RFTN1: variants seen among roughly 807,000 people sequenced by gnomAD.
The protein encoded by RFTN1 is raftlin, lipid raft linker 1.
Under a neutral mutation model 46.5 loss-of-function variants are expected in RFTN1, and 26 were observed. That is an observed-to-expected ratio of 0.56 (90% CI 0.41 to 0.78). The LOEUF is 0.78. Among genes scored for constraint, RFTN1 ranks in the 30% least tolerant of loss-of-function variants. RFTN1 has a pLI of 0.00. For missense variants in RFTN1, 693 were observed against 718.7 expected (o/e 0.96, Z 0.41); for synonymous variants, 261 against 284.2 (o/e 0.92, Z 0.82).
At chr3:16,437,236 C>T (rs2075533330) in intron 2 of RFTN1, among the ~76,000 whole-genome samples, 1 of 152,168 alleles carries the variant, frequency 6.6e-6, no homozygotes, top group Non-Finnish European at 1.5e-5. Context: ...GTTGGGGAAA[C>T]AGGCATGGCC....
chr3:16,345,815 T>C lies in RFTN1; in HGVS notation c.1146+12117A>G, dbSNP rs1488827493. On this transcript the variant is annotated intron_variant, in intron 7 of 9. Coordinates refer to ENST00000334133, the MANE Select transcript of RFTN1 (RefSeq NM_015150.2). This position sits in a 1 kb window ranked among gnomAD's most constrained non-coding sequence, Gnocchi z 5.2. ...GTGTGTGTGTGTGTGTGTGTGTGTG[T>C]GTGCGCGCGCGCGTGCGCGCACGCG... Among the ~76,000 whole-genome samples, 9 of 82,394 alleles carry C rather than the reference T, an allele frequency of 1.1e-4. No homozygotes were observed. Among genetic ancestry groups the C allele is most frequent in the South Asian group, 3.8e-4 (1 of 2,634 alleles). The allele number at this position is 82,394 out of a possible 152,430, so 54.1% of individuals were successfully genotyped here. A position where few individuals can be genotyped will look rare whatever the true frequency, so the allele number is the denominator to read the frequency against.
chr3:16,465,908 G>C lies in RFTN1; in HGVS notation c.145+27817C>G, dbSNP rs2076082701. 6.6e-6 allele frequency among the ~76,000 whole-genome samples: 1 copy of C among 152,168 alleles called. No homozygotes were observed. The highest frequency in any genetic ancestry group is 6.6e-5 in the Admixed American group (1 of 15,266). ...AAAAGAAACACAAACTCCTCTAAAA[G>C]TTGAGAAACAAAAAGCTCTCGGGCC... On this transcript the variant is annotated intron_variant, in intron 2 of 9. Coordinates refer to ENST00000334133, the MANE Select transcript of RFTN1 (RefSeq NM_015150.2). The surrounding 1 kb of genome is among the most constrained non-coding windows in gnomAD (Gnocchi z 5.1).
Position 16,489,483 on chromosome 3 carries a change from A to G in RFTN1, c.145+4242T>C, listed in dbSNP as rs776716142. Among the ~76,000 whole-genome samples, 1 of 152,216 alleles carries G rather than the reference A, an allele frequency of 6.6e-6. No individual in the cohort carries two copies. Among genetic ancestry groups the G allele is most frequent in the South Asian group, 2.1e-4 (1 of 4,830 alleles). ...GGGGTTGGAGGGATAACAAAGGGGC[A>G]TGAGGAAACTTCTGGGGCAATGGAA... On this transcript the variant is annotated intron_variant, in intron 2 of 9. Transcript: ENST00000334133. This position sits in a 1 kb window ranked among gnomAD's most constrained non-coding sequence, Gnocchi z 4.0.
In RFTN1 at chr3:16,341,446, T is replaced by C. The variant is rs947302056; in HGVS notation, c.1147-14570A>G. Among the ~76,000 whole-genome samples the C allele has an allele frequency of 6.6e-6, 1 of 152,168 alleles. No individual in the cohort carries two copies. Among genetic ancestry groups the C allele is most frequent in the Non-Finnish European group, 1.5e-5 (1 of 68,036 alleles). On this transcript the variant is annotated intron_variant, in intron 7 of 9. Transcript: ENST00000334133. The surrounding 1 kb of genome is among the most constrained non-coding windows in gnomAD (Gnocchi z 4.7). ...TGACAGAGAAACTGCAGTGGAACCATACAATGAAATATTATCCAGCACTAA... is the reference window on the plus strand; with the variant it reads ...TGACAGAGAAACTGCAGTGGAACCACACAATGAAATATTATCCAGCACTAA...
intron 4 of RFTN1, among the ~76,000 whole-genome samples, chr3:16,408,563 TATC>T (rs2074915382): frequency 6.9e-6 from 1 of 145,770 alleles, no homozygotes; most frequent in Admixed American, 7.0e-5. Flanking sequence ...CTGTAGTAAA[TATC>T]ATATTAAAAC....
chr3:16,500,629 G>A lies in RFTN1; in HGVS notation c.-8-6752C>T, dbSNP rs2076695462. Among the ~76,000 whole-genome samples the A allele has an allele frequency of 6.6e-6, 1 of 152,176 alleles. No individual in the cohort carries two copies. Among genetic ancestry groups the A allele is most frequent in the South Asian group, 2.1e-4 (1 of 4,824 alleles). ...AGATGACAGACATTGCAAATGATCT[G>A]GAAACAAAGATCCCTTGAATGGTGA... is the stretch of plus-strand genomic sequence containing the variant. On this transcript the variant is annotated intron_variant, in intron 1 of 9. Coordinates refer to ENST00000334133, the MANE Select transcript of RFTN1 (RefSeq NM_015150.2). The surrounding 1 kb of genome is among the most constrained non-coding windows in gnomAD (Gnocchi z 5.9).
rs80110254 is a variant in RFTN1 at position 16,358,343 on chromosome 3, C to T, written c.1031-296G>A. ...GTTTACCTTCCTTTTCATGCTCCAG[C>T]GTCAGGATGCACTGGGGAGAACTTA... On this transcript the variant is annotated intron_variant, in intron 6 of 9. Coordinates refer to ENST00000334133, the MANE Select transcript of RFTN1 (RefSeq NM_015150.2). 1.8e-4 allele frequency among the ~76,000 whole-genome samples: 27 copies of T among 152,226 alleles called. No homozygotes were observed. In the East Asian group the frequency reaches 4.4e-3, roughly 25 times the overall value.
At chr3:16,496,246 T>A (rs2076624767) in intron 1 of RFTN1, among the ~76,000 whole-genome samples, 1 of 152,222 alleles carries the variant, frequency 6.6e-6, no homozygotes, top group Non-Finnish European at 1.5e-5. Flanking sequence ...CTGCCAAACA[T>A]GATGCCACAG....
In RFTN1 at chr3:16,374,734, A is replaced by T. The variant is rs1040106252; in HGVS notation, c.826+2984T>A. On this transcript the variant is annotated intron_variant, in intron 5 of 9. Coordinates refer to ENST00000334133, the MANE Select transcript of RFTN1 (RefSeq NM_015150.2). The surrounding 1 kb of genome is among the most constrained non-coding windows in gnomAD (Gnocchi z 5.4). ...TCTGATGGAAGCTGTGGCAACGGAG[A>T]CACTGAGGCTGTCCCTGCACAGGCT... Among the ~76,000 whole-genome samples, 2 of 152,178 alleles carry T rather than the reference A, an allele frequency of 1.3e-5. No individual in the cohort carries two copies. Among genetic ancestry groups the T allele is most frequent in the African/African-American group, 4.8e-5 (2 of 41,444 alleles).
At chr3:16,326,737 G>A (rs541489584) in intron 8 of RFTN1, 36 bp downstream of exon 8, 1 of 1,476,952 alleles carries the variant, frequency 6.8e-7, no homozygotes, top group Admixed American at 1.7e-5. Context: ...CAGAGTAAGT[G>A]TTCAATAGAA....
In RFTN1 at chr3:16,344,001, A is replaced by G. The variant is rs2071481000; in HGVS notation, c.1146+13931T>C. Among the ~76,000 whole-genome samples, 1 of 152,200 alleles carries G rather than the reference A, an allele frequency of 6.6e-6. No homozygotes were observed. The highest frequency in any genetic ancestry group is 1.5e-5 in the Non-Finnish European group (1 of 68,044). On this transcript the variant is annotated intron_variant, in intron 7 of 9. Coordinates refer to ENST00000334133, the MANE Select transcript of RFTN1 (RefSeq NM_015150.2). The surrounding 1 kb of genome is among the most constrained non-coding windows in gnomAD (Gnocchi z 4.4). The stretch of plus-strand genomic sequence containing the variant: ...TGGAGCAGGGTCTCAGCAGAGAGTG[A>G]GCAACCAGAAAGAAACATGGGCTGT...
intron 1 of RFTN1, among the ~76,000 whole-genome samples, chr3:16,511,734 A>G (rs2076905471): frequency 6.6e-6 from 1 of 151,958 alleles, no homozygotes; most frequent in African/African-American, 2.4e-5. Context: ...TTGTTTCCCT[A>G]CAGACAAAGC....
At position 16,410,327 on chromosome 3, in the gene RFTN1, C is replaced by G. The variant is rs1044378593; in HGVS notation, c.333-844G>C. Among the ~76,000 whole-genome samples, 1 of 150,780 alleles carries G rather than the reference C, an allele frequency of 6.6e-6. No homozygotes were observed. The highest frequency in any genetic ancestry group is 6.6e-5 in the Admixed American group (1 of 15,150). On this transcript the variant is annotated intron_variant, in intron 3 of 9. Transcript: ENST00000334133. The surrounding 1 kb of genome is among the most constrained non-coding windows in gnomAD (Gnocchi z 4.6). The stretch of plus-strand genomic sequence containing the variant: ...CGCCAGGGCACAGAAAAAGAACAAG[C>G]AAGACATACACCAAACCAATAATAG...
rs1251204486 is a variant in RFTN1, at chr3:16,499,387, G to A, written c.-8-5510C>T. Among the ~76,000 whole-genome samples, 1 of 152,212 alleles carries A rather than the reference G, an allele frequency of 6.6e-6. No individual in the cohort carries two copies. The highest frequency in any genetic ancestry group is 1.5e-5 in the Non-Finnish European group (1 of 68,036). ...GAGCATTTACTCCCTGACTTTTGGG[G>A]TGCCTGCTCGTGGAATCCAGCCACC... On this transcript the variant is annotated intron_variant, in intron 1 of 9. Coordinates refer to ENST00000334133, the MANE Select transcript of RFTN1 (RefSeq NM_015150.2). The surrounding 1 kb of genome is among the most constrained non-coding windows in gnomAD (Gnocchi z 4.9).
chr3:16,415,835 G>C (rs1021021613), intron 3 of RFTN1, among the ~76,000 whole-genome samples: 1 of 152,094 alleles, frequency 6.6e-6, no homozygotes, highest in Non-Finnish European at 1.5e-5. Context: ...TTATCCTCTT[G>C]AAATCCCAAG....
At chr3:16,394,221 A>T (rs1055543464) in intron 4 of RFTN1, among the ~76,000 whole-genome samples, 18 of 152,030 alleles carry the variant, frequency 1.2e-4, no homozygotes, top group African/African-American at 4.1e-4. Flanking sequence ...AAAAAATCTT[A>T]AAAAAATTAG....
At chr3:16,331,100 G>A (rs916017994) in intron 7 of RFTN1, among the ~76,000 whole-genome samples, 2 of 152,242 alleles carry the variant, frequency 1.3e-5, no homozygotes, top group South Asian at 2.1e-4. Flanking sequence ...CTCCATACCT[G>A]AGAAAAGTGA....
In RFTN1 at chr3:16,381,501, A is replaced by G. The variant is rs796487719; in HGVS notation, c.442-3399T>C. ...GGTGTAACACAAAAGGAAGAATAAG[A>G]AATGTGGCAGAACTGGAGCATGCAT... On this transcript the variant is annotated intron_variant, in intron 4 of 9. Coordinates refer to ENST00000334133, the MANE Select transcript of RFTN1 (RefSeq NM_015150.2). This position sits in a 1 kb window ranked among gnomAD's most constrained non-coding sequence, Gnocchi z 4.2. 3.3e-5 allele frequency among the ~76,000 whole-genome samples: 5 copies of G among 152,338 alleles called. No individual in the cohort carries two copies. The highest frequency in any genetic ancestry group is 9.6e-5 in the African/African-American group (4 of 41,572).
At position 16,425,742 on chromosome 3, in the gene RFTN1, C is replaced by T. The variant is rs865813935; in HGVS notation, c.332+8109G>A. Reference sequence around the variant, plus strand: ...TTGAAAAGTGCAAACAAATAATTAACGGTGAATCCTGAAACTTCAACACAC... The same window carrying T: ...TTGAAAAGTGCAAACAAATAATTAATGGTGAATCCTGAAACTTCAACACAC... On this transcript the variant is annotated intron_variant, in intron 3 of 9. Coordinates refer to ENST00000334133, the MANE Select transcript of RFTN1 (RefSeq NM_015150.2). The surrounding 1 kb of genome is among the most constrained non-coding windows in gnomAD (Gnocchi z 4.3). Among the ~76,000 whole-genome samples the T allele has an allele frequency of 4.0e-5, 6 of 151,742 alleles. No homozygotes were observed. The highest frequency in any genetic ancestry group is 2.0e-4 in the Admixed American group (3 of 15,194).
Sources: allele counts gnomAD v4.1 joint callset (sites outside exome capture counted in the v4.1 genomes callset), GRCh38; gene constraint gnomAD v4.1.1; non-coding constraint Gnocchi (gnomAD v3.1); transcripts MANE v1.5; gene names NCBI Gene and HGNC (gene_info 2026-07-23, HGNC 2026-07-21).